The following SULF1 variants were observed in gnomAD, a reference collection of about 807,000 sequenced individuals.
The protein encoded by SULF1 is extracellular sulfatase Sulf-1.
Under a neutral mutation model 110.5 loss-of-function variants are expected in SULF1, and 46 were observed. The ratio of observed to expected loss-of-function variants is 0.42; its 90% CI spans 0.33 to 0.53. The LOEUF (loss-of-function observed/expected upper bound fraction) is 0.53. Among genes scored for constraint, SULF1 ranks in the 20% least tolerant of loss-of-function variants. The probability of loss-of-function intolerance (pLI) is 0.12; values close to 1 mark genes in which losing one functional copy is unlikely to be tolerated. For missense variants in SULF1, 941 were observed against 1,094.2 expected (o/e 0.86, Z 1.98); for synonymous variants, 371 against 387.1 (o/e 0.96, Z 0.49).
At chr8:69,559,656 G>C (rs1247997172) in intron 3 of SULF1, among the ~76,000 whole-genome samples, 1 of 152,170 alleles carries the variant, frequency 6.6e-6, no homozygotes, top group Non-Finnish European at 1.5e-5. Flanking sequence ...TAAAAGTAGT[G>C]TTTCATTTTT....
intron 1 of SULF1, among the ~76,000 whole-genome samples, chr8:69,469,993 G>A (rs1022514287): frequency 1.3e-5 from 2 of 152,170 alleles, no homozygotes; most frequent in Non-Finnish European, 2.9e-5. Context: ...AGTGAGCCGA[G>A]ATCGTGTCAT....
intron 8 of SULF1, among the ~76,000 whole-genome samples, chr8:69,591,506 G>A (rs1430622096): frequency 4.6e-5 from 7 of 151,774 alleles, no homozygotes; most frequent in Admixed American, 3.3e-4. Context: ...GGAGCTTGCA[G>A]TGAGCCGAGA....
chr8:69,637,308 C>G (rs551799815), intron 19 of SULF1, among the ~76,000 whole-genome samples: 16 of 152,292 alleles, frequency 1.1e-4, no homozygotes, highest in Non-Finnish European at 2.2e-4. Flanking sequence ...GCTTTCATCT[C>G]CTTTGCAAAA....
At chr8:69,497,322 T>C (rs1041536914) in intron 2 of SULF1, among the ~76,000 whole-genome samples, 2 of 151,932 alleles carry the variant, frequency 1.3e-5, no homozygotes, top group Non-Finnish European at 1.5e-5. Context: ...CACGCCTGGC[T>C]AATTTTTGTA....
Position 69,624,167 on chromosome 8 carries a change from G to A in SULF1, c.1820G>A (p.Gly607Asp), listed in dbSNP as rs367704931. ...CTGGCAGATAGCAGCAACGCCGTGGGCCCACCTACCACTGTCCGAGTGACA... is the reference window on the plus strand; with the variant it reads ...CTGGCAGATAGCAGCAACGCCGTGGACCCACCTACCACTGTCCGAGTGACA... ...RMLADSSNAV[G>D]PPTTVRVTHK... is the part of the protein sequence containing the mutation. Residue 607 changes from glycine to aspartate, a missense_variant, in exon 15 of 23, where the codon GGC becomes GAC. Gly to Asp is a moderately conservative substitution (Grantham distance 94). Around this residue, in one of 3 missense-constraint regions of SULF1, gnomAD observed 822 missense variants for 934.3 expected, o/e 0.88. Transcript: ENST00000402687. 3.4e-5 allele frequency: 55 copies of A among 1,607,640 alleles called. No homozygotes were observed. The highest frequency in any genetic ancestry group is 2.0e-5 in the Non-Finnish European group (23 of 1,176,138).
intron 1 of SULF1, among the ~76,000 whole-genome samples, chr8:69,484,289 G>T (rs549673166): frequency 1.3e-5 from 2 of 152,228 alleles, no homozygotes; most frequent in South Asian, 4.1e-4. Flanking sequence ...CTTCTTATTT[G>T]CAACCTCTTG....
At chr8:69,593,879 A>G (rs749239106) in intron 8 of SULF1, among the ~76,000 whole-genome samples, 62 of 152,144 alleles carry the variant, frequency 4.1e-4, no homozygotes, top group Non-Finnish European at 6.9e-4. Flanking sequence ...GCTTTAAGTT[A>G]CTTCTCTCTC....
At chr8:69,520,964 T>G (rs1415217352) in intron 3 of SULF1, among the ~76,000 whole-genome samples, 2 of 152,186 alleles carry the variant, frequency 1.3e-5, no homozygotes, top group Non-Finnish European at 2.9e-5. Context: ...ACATAGTAGT[T>G]ACTAGAGACT....
At chr8:69,575,612 G>A (rs1306444429) in intron 5 of SULF1, among the ~76,000 whole-genome samples, 3 of 152,080 alleles carry the variant, frequency 2.0e-5, no homozygotes, top group Non-Finnish European at 4.4e-5. Context: ...TGGGCTGGGG[G>A]TTTTGATGCT....
At position 69,649,208 on chromosome 8, in the gene SULF1, C is replaced by T. The variant is rs146505585; in HGVS notation, c.2585+8367C>T. On this transcript the variant is annotated intron_variant, in intron 22 of 22. Coordinates refer to ENST00000402687, the MANE Select transcript of SULF1 (RefSeq NM_001128205.2). Reference sequence around the variant, plus strand: ...TATAACTTTACATTTACAGAAAGGTCGCAAGAATAATTTCAAGAACTGTTA... The same window carrying T: ...TATAACTTTACATTTACAGAAAGGTTGCAAGAATAATTTCAAGAACTGTTA... 2.7e-3 allele frequency among the ~76,000 whole-genome samples: 415 copies of T among 152,270 alleles called. 2 individuals carry two copies. The highest frequency in any genetic ancestry group is 9.6e-3 in the African/African-American group (397 of 41,556).
At chr8:69,637,160 T>C (rs182487112) in intron 19 of SULF1, among the ~76,000 whole-genome samples, 1 of 152,360 alleles carries the variant, frequency 6.6e-6, no homozygotes, top group Non-Finnish European at 1.5e-5. Context: ...TTGTTTCAAA[T>C]GCCAAATGAC....
At chr8:69,579,854 C>T (rs1043078146) in intron 6 of SULF1, among the ~76,000 whole-genome samples, 2 of 152,110 alleles carry the variant, frequency 1.3e-5, no homozygotes, top group African/African-American at 4.8e-5. Context: ...TGTAAAGATT[C>T]TATTGCTTTC....
intron 5 of SULF1, among the ~76,000 whole-genome samples, chr8:69,573,913 C>T (rs1805418955): frequency 6.6e-6 from 1 of 152,232 alleles, no homozygotes; most frequent in South Asian, 2.1e-4. Context: ...AGCCAACTCC[C>T]AGCCTTCTCA....
chr8:69,578,553 G>T (rs969852826), intron 6 of SULF1, among the ~76,000 whole-genome samples: 46 of 130,030 alleles, frequency 3.5e-4, no homozygotes, highest in African/African-American at 1.3e-3. Context: ...AGCCGGCACC[G>T]GGACCTTAGT....
At chr8:69,487,416 G>A (rs145873616) in intron 1 of SULF1, among the ~76,000 whole-genome samples, 77 of 152,314 alleles carry the variant, frequency 5.1e-4, no homozygotes, top group Non-Finnish European at 1.8e-4. Flanking sequence ...TTAGTCAAGT[G>A]AGGAATCCTT....
upstream of SULF1, among the ~76,000 whole-genome samples, chr8:69,491,894 G>A (rs1167498379): frequency 6.6e-6 from 1 of 152,166 alleles, no homozygotes; most frequent in African/African-American, 2.4e-5. Context: ...GAAAAGAGGG[G>A]AAATTGGGGA....
intron 2 of SULF1, among the ~76,000 whole-genome samples, chr8:69,497,846 G>A (rs73287675): frequency 0.014 from 2,122 of 152,194 alleles, 53 homozygotes; most frequent in African/African-American, 0.049. Flanking sequence ...CTGACACAGA[G>A]AGCAAAGCCA....
Position 69,623,993 on chromosome 8 carries a change from A to G in SULF1, c.1646A>G (p.Glu549Gly), listed in dbSNP as rs1390988299. Residue 549 changes from glutamate (E) to glycine (G), a missense_variant, in exon 15 of 23, where the codon GAA (glutamate) becomes GGA (glycine). By Grantham distance (98) the Glu-to-Gly change is moderately conservative. Transcript: ENST00000402687. The stretch of plus-strand genomic sequence containing the variant: ...CGGCAGACACGTTCCTTGTCCGTCG[A>G]ATTTGAAGGTGAAATATATGACATA... ...HTRQTRSLSV[E>G]FEGEIYDINL... 1 of 1,614,186 alleles carries G rather than the reference A, an allele frequency of 6.2e-7. No individual in the cohort carries two copies. Among genetic ancestry groups the G allele is most frequent in the Admixed American group, 1.7e-5 (1 of 60,024 alleles).
Position 69,535,536 on chromosome 8 carries a change from T to C in SULF1, c.-133-28003T>C, listed in dbSNP as rs376054459. On this transcript the variant is annotated intron_variant, in intron 3 of 22. Coordinates refer to ENST00000402687, the MANE Select transcript of SULF1 (RefSeq NM_001128205.2). ...ACAAAATCAGGGACAGTTACAAGAATAGGGTGCAGCTCCTGGAAAGGAAAA... is the reference window on the plus strand; with the variant it reads ...ACAAAATCAGGGACAGTTACAAGAACAGGGTGCAGCTCCTGGAAAGGAAAA... 8.7e-4 allele frequency among the ~76,000 whole-genome samples: 132 copies of C among 152,180 alleles called. 2 individuals are homozygous for C. The South Asian group carries it at 0.027, about 31-fold the overall frequency.
Sources: allele counts gnomAD v4.1 joint callset (sites outside exome capture counted in the v4.1 genomes callset), GRCh38; gene constraint gnomAD v4.1.1; regional missense constraint gnomAD v4.1.1; transcripts MANE v1.5; gene names NCBI Gene and HGNC (gene_info 2026-07-23, HGNC 2026-07-21).